Variants in XPNPEP1 observed in about 807,000 individuals in gnomAD.
XPNPEP1 encodes the protein xaa-Pro aminopeptidase 1.
Under a neutral mutation model 92.4 loss-of-function variants are expected in XPNPEP1, and 39 were observed. That is an observed-to-expected ratio of 0.42 (90% CI 0.33 to 0.55). XPNPEP1 has a LOEUF of 0.55. Among genes scored for constraint, XPNPEP1 ranks in the 20% least tolerant of loss-of-function variants. The pLI is 0.08. For synonymous variants in XPNPEP1, 307 were observed against 299.4 expected, an observed-to-expected ratio of 1.03 and a Z score of -0.26; for missense variants, 654 against 856.1, an observed-to-expected ratio of 0.76 and a Z score of 2.95.
At chr10:109,873,121 T>G (rs536343) in intron 16 of XPNPEP1, among the ~76,000 whole-genome samples, 10 of 152,042 alleles carry the variant, frequency 6.6e-5, no homozygotes, top group African/African-American at 2.4e-4. Context: ...GCCAAAGCTA[T>G]TATATTTAAA....
chr10:109,922,340 C>T (rs1400481518), intron 1 of XPNPEP1, among the ~76,000 whole-genome samples: 1 of 152,188 alleles, frequency 6.6e-6, no homozygotes, highest in Non-Finnish European at 1.5e-5. Context: ...CTAAAGACCA[C>T]CTGAGGCCTA....
chr10:109,869,367 G>A (rs1273578829), intron 19 of XPNPEP1, among the ~76,000 whole-genome samples: 1 of 152,188 alleles, frequency 6.6e-6, no homozygotes, highest in East Asian at 1.9e-4. Context: ...AAAGCCTAGA[G>A]CCTAAAACCC....
intron 9 of XPNPEP1, among the ~76,000 whole-genome samples, chr10:109,882,999 GTGCCA>G (rs1313225267): frequency 6.6e-6 from 1 of 152,188 alleles, no homozygotes; most frequent in African/African-American, 2.4e-5. Context: ...ACTTGGGTTA[GTGCCA>G]CAGCCTCTAA....
At chr10:109,922,159 C>G (rs1047149240) in intron 1 of XPNPEP1, among the ~76,000 whole-genome samples, 1 of 152,192 alleles carries the variant, frequency 6.6e-6, no homozygotes, top group Non-Finnish European at 1.5e-5. Context: ...AGGAATGGCA[C>G]TCAAATTCTA....
At position 109,871,846 on chromosome 10, in the gene XPNPEP1, C is replaced by T. The variant is rs1465611736; in HGVS notation, c.1468G>A (p.Val490Ile). The T allele has an allele frequency of 6.2e-7, 1 of 1,613,950 alleles. No homozygotes were observed. The highest frequency in any genetic ancestry group is 1.3e-5 in the African/African-American group (1 of 74,910). Residue 490 changes from valine to isoleucine, a missense_variant, in exon 17 of 21, where the codon GTC (valine) becomes ATC (isoleucine). Physicochemically the swap from Val to Ile is conservative, Grantham distance 29. Coordinates refer to ENST00000502935, the MANE Select transcript of XPNPEP1 (RefSeq NM_020383.4). Reference sequence around the variant, plus strand: ...CTCACAGCTATGTGGCCCTTGAGGACATATGTGAAGCATTCCTGCAAAGAA... The same window carrying T: ...CTCACAGCTATGTGGCCCTTGAGGATATATGTGAAGCATTCCTGCAAAGAA... ...TAYEKECFTY[V>I]LKGHIAVSAA...
At chr10:109,873,144 C>T (rs1847579455) in intron 16 of XPNPEP1, among the ~76,000 whole-genome samples, 1 of 152,240 alleles carries the variant, frequency 6.6e-6, no homozygotes, top group South Asian at 2.1e-4. Flanking sequence ...TACACCTGAG[C>T]TGCCCTAACC....
intron 2 of XPNPEP1, among the ~76,000 whole-genome samples, chr10:109,914,297 TA>T (rs1850049640): frequency 6.6e-6 from 1 of 152,266 alleles, no homozygotes; most frequent in Non-Finnish European, 1.5e-5. Context: ...GACAATAATA[TA>T]TTACAAGCTT....
chr10:109,923,442 G>C lies in XPNPEP1; in HGVS notation c.-9C>G. On this transcript the variant is annotated 5_prime_UTR_variant, in exon 1 of 21. Coordinates refer to ENST00000502935, the MANE Select transcript of XPNPEP1 (RefSeq NM_020383.4). ...TTTCTGGAGGCTGCCATTCGGCGGTGACGTGCCCCAGCCCACGTCAGGGGA... is the reference window on the plus strand; with the variant it reads ...TTTCTGGAGGCTGCCATTCGGCGGTCACGTGCCCCAGCCCACGTCAGGGGA... The C allele has an allele frequency of 7.0e-7, 1 of 1,437,324 alleles. No homozygotes were observed. The highest frequency in any genetic ancestry group is 9.1e-7 in the Non-Finnish European group (1 of 1,094,438). 89.0% of individuals were successfully genotyped at this position (1,437,324 alleles called of 1,614,324 possible).
rs1049619585 is a variant in XPNPEP1 at position 109,918,982 on chromosome 10, T to TA, written c.33-3884dup. 6.8e-5 allele frequency among the ~76,000 whole-genome samples: 10 copies of TA among 147,086 alleles called. No homozygotes were observed. In the East Asian group the frequency reaches 1.0e-3, roughly 15 times the overall value. On this transcript the variant is annotated intron_variant, in intron 1 of 20. Transcript: ENST00000502935. ...AAGGAAAGAAAAGAAAGAAAGAAAATAAAAAAAAATTAACCCAAATGGATC... is the reference window on the plus strand; with the variant it reads ...AAGGAAAGAAAAGAAAGAAAGAAAATAAAAAAAAAATTAACCCAAATGGATC...
At chr10:109,886,480 G>T in intron 7 of XPNPEP1, 139 bp from the exon 8 acceptor site, 1 of 757,376 alleles carries the variant, frequency 1.3e-6, no homozygotes, top group Non-Finnish European at 2.2e-6. Context: ...AGGAGGCCTG[G>T]ATTCAAGCCC....
intron 5 of XPNPEP1, 95 bp from the exon 6 acceptor site, chr10:109,888,690 G>A: frequency 1.0e-6 from 1 of 984,694 alleles, no homozygotes; most frequent in Non-Finnish European, 1.4e-6. Context: ...ATGATAGCAG[G>A]GTCTTTATTA....
intron 1 of XPNPEP1, chr10:109,923,160 G>C (rs548921011): frequency 1.0e-6 from 1 of 985,250 alleles, no homozygotes; most frequent in African/African-American, 1.7e-5. Context: ...TACGCGTCCA[G>C]GAACCAGACT....
intron 4 of XPNPEP1, chr10:109,892,626 G>A (rs1037146029): frequency 3.3e-5 from 6 of 181,742 alleles, no homozygotes; most frequent in Admixed American, 3.3e-4. Context: ...AGAATTATCT[G>A]GGACCAATAA....
intron 1 of XPNPEP1, among the ~76,000 whole-genome samples, chr10:109,918,863 GGAAGGAA>G (rs1850353084): frequency 1.4e-4 from 5 of 34,888 alleles, no homozygotes; most frequent in African/African-American, 6.6e-4. Context: ...AAGGAGGGAA[GGAAGGAA>G]GGAAGGAAGG....
chr10:109,913,176 A>C (rs1849975274), intron 2 of XPNPEP1, among the ~76,000 whole-genome samples: 1 of 152,252 alleles, frequency 6.6e-6, no homozygotes, highest in Admixed American at 6.5e-5. Context: ...GTCTGCTTTT[A>C]GAAATAAGTT....
chr10:109,867,643 C>G lies in XPNPEP1; in HGVS notation c.1872+971G>C, dbSNP rs1212621309. Among the ~76,000 whole-genome samples, 4 of 152,242 alleles carry G rather than the reference C, an allele frequency of 2.6e-5. No individual in the cohort carries two copies. Among genetic ancestry groups the G allele is most frequent in the African/African-American group, 9.6e-5 (4 of 41,460 alleles). ...ACCCTTTCCTTTACAGTGTCAAGAA[C>G]GAGGCCCAAGTGGGCGCCAGTGAGG... On this transcript the variant is annotated intron_variant, in intron 20 of 20. Coordinates refer to ENST00000502935, the MANE Select transcript of XPNPEP1 (RefSeq NM_020383.4). The surrounding 1 kb of genome is among the most constrained non-coding windows in gnomAD (Gnocchi z 4.5).
chr10:109,906,969 C>T (rs1280877798), intron 3 of XPNPEP1, among the ~76,000 whole-genome samples: 2 of 152,212 alleles, frequency 1.3e-5, no homozygotes, highest in South Asian at 4.1e-4. Context: ...TTTTACCTTA[C>T]AATACAGGTA....
chr10:109,920,749 T>C (rs1223366570), intron 1 of XPNPEP1, among the ~76,000 whole-genome samples: 1 of 152,126 alleles, frequency 6.6e-6, no homozygotes, highest in Non-Finnish European at 1.5e-5. Flanking sequence ...TCTCACCACA[T>C]TGCCCAGTCT....
At chr10:109,897,020 C>A (rs950967116) in intron 3 of XPNPEP1, among the ~76,000 whole-genome samples, 1 of 152,130 alleles carries the variant, frequency 6.6e-6, no homozygotes, top group Admixed American at 6.6e-5. Context: ...GGGAAAAGAT[C>A]GTAAGGGATT....
Sources: allele counts gnomAD v4.1 joint callset (sites outside exome capture counted in the v4.1 genomes callset), GRCh38; gene constraint gnomAD v4.1.1; non-coding constraint Gnocchi (gnomAD v3.1); transcripts MANE v1.5; gene names NCBI Gene and HGNC (gene_info 2026-07-23, HGNC 2026-07-21).